Variants in DNAJC6 observed in about 807,000 individuals in gnomAD.
The protein encoded by DNAJC6 is auxilin.
A neutral mutation model predicts 110.0 loss-of-function variants in DNAJC6; 34 were observed. The ratio of observed to expected loss-of-function variants is 0.31; its 90% CI spans 0.24 to 0.41. DNAJC6 has a LOEUF of 0.41. Among genes scored for constraint, DNAJC6 ranks in the 10% least tolerant of loss-of-function variants. DNAJC6 has a pLI of 1.00. For synonymous variants in DNAJC6, 406 were observed against 437.2 expected (o/e 0.93, Z 0.89); for missense variants, 1,031 against 1,207.8 (o/e 0.85, Z 2.17).
chr1:65,399,170 T>G (rs534217928), intron 14 of DNAJC6, among the ~76,000 whole-genome samples: 1 of 152,214 alleles, frequency 6.6e-6, no homozygotes, highest in East Asian at 1.9e-4. Context: ...TTAGAAACTC[T>G]TGGGTTTTTT....
chr1:65,364,717 T>C lies in DNAJC6; in HGVS notation c.276T>C (p.Ser92=), dbSNP rs1645629742. ...AAGGAGGTGCAGGGAGGCTCTTTAGTAACCTAAAGGACAACTTGAAAGACA... is the reference window on the plus strand; with the variant it reads ...AAGGAGGTGCAGGGAGGCTCTTTAGCAACCTAAAGGACAACTTGAAAGACA... ...MVKGGAGRLF[S]NLKDNLKDTL... is the part of the protein sequence containing the mutation. The change falls in exon 2 of 19, where the codon AGT becomes AGC. Residue 92 remains serine, a synonymous_variant. Transcript: ENST00000371069. 4 of 1,613,148 alleles carry C rather than the reference T, an allele frequency of 2.5e-6. No homozygotes were observed. The East Asian group carries it at 8.9e-5, about 36-fold the overall frequency.
At chr1:65,336,811 C>T (rs1645341501) in intron 1 of DNAJC6, among the ~76,000 whole-genome samples, 1 of 152,162 alleles carries the variant, frequency 6.6e-6, no homozygotes, top group Admixed American at 6.5e-5. Context: ...CTCATCTCAT[C>T]CAGAATCTTA....
At chr1:65,332,308 C>T (rs1452335074) in intron 1 of DNAJC6, among the ~76,000 whole-genome samples, 1 of 152,078 alleles carries the variant, frequency 6.6e-6, no homozygotes, top group Non-Finnish European at 1.5e-5. Flanking sequence ...TTAAGAATAA[C>T]AAACGTTTGG....
chr1:65,310,366 G>T (rs915365683), intron 1 of DNAJC6, among the ~76,000 whole-genome samples: 1 of 152,316 alleles, frequency 6.6e-6, no homozygotes, highest in East Asian at 1.9e-4. Flanking sequence ...TGTTTTTGCA[G>T]CATGCAGACG....
intron 1 of DNAJC6, among the ~76,000 whole-genome samples, chr1:65,294,195 T>C (rs1333675682): frequency 6.6e-6 from 1 of 152,220 alleles, no homozygotes; most frequent in Non-Finnish European, 1.5e-5. Flanking sequence ...ATACAGAAGA[T>C]AAATCCTTGT....
intron 1 of DNAJC6, among the ~76,000 whole-genome samples, chr1:65,311,539 G>A (rs1645102103): frequency 6.6e-6 from 1 of 151,936 alleles, no homozygotes; most frequent in African/African-American, 2.4e-5. Context: ...CTTTTTTATT[G>A]ATGTTGTATG....
At chr1:65,410,525 A>G (rs1305981151) in intron 17 of DNAJC6, among the ~76,000 whole-genome samples, 1 of 152,176 alleles carries the variant, frequency 6.6e-6, no homozygotes, top group Admixed American at 6.5e-5. Flanking sequence ...CAGGGTATGT[A>G]ATTGTTTGGG....
At chr1:65,278,132 T>C (rs1264923838) in intron 1 of DNAJC6, among the ~76,000 whole-genome samples, 2 of 152,174 alleles carry the variant, frequency 1.3e-5, no homozygotes, top group Admixed American at 6.5e-5. Context: ...TCAGCCTCTT[T>C]CCCAGGTTGC....
intron 1 of DNAJC6, among the ~76,000 whole-genome samples, chr1:65,286,112 C>T (rs760594727): frequency 8.5e-5 from 13 of 152,204 alleles, no homozygotes; most frequent in Non-Finnish European, 1.8e-4. Flanking sequence ...GGTCAATGAA[C>T]ATGTGCTGAA....
At chr1:65,335,996 G>A (rs1024150381) in intron 1 of DNAJC6, among the ~76,000 whole-genome samples, 1 of 152,048 alleles carries the variant, frequency 6.6e-6, no homozygotes, top group African/African-American at 2.4e-5. Flanking sequence ...AGTGAGAAAA[G>A]GTTGATTATA....
Position 65,408,700 on chromosome 1 carries a change from C to A in DNAJC6, c.2551C>A (p.His851Asn), listed in dbSNP as rs1397362683. Residue 851 changes from histidine (H) to asparagine (N), a missense_variant, in exon 17 of 19, where the codon CAC becomes AAC. Physicochemically the swap from His to Asn is moderately conservative, Grantham distance 68. Transcript: ENST00000371069. ...DLLSGQGFNA[H>N]KDKKGPRTIA... Reference sequence around the variant, plus strand: ...ACTCTCTGGTCAAGGTTTCAATGCTCACAAAGACAAAAAGGGGCCTCGGAC... The same window carrying A: ...ACTCTCTGGTCAAGGTTTCAATGCTAACAAAGACAAAAAGGGGCCTCGGAC... 1 of 1,613,908 alleles carries A rather than the reference C, an allele frequency of 6.2e-7. No individual in the cohort carries two copies. Among genetic ancestry groups the A allele is most frequent in the Non-Finnish European group, 8.5e-7 (1 of 1,179,892 alleles).
chr1:65,411,144 A>G (rs1646125133), intron 17 of DNAJC6, 106 bp from the exon 18 acceptor site: 2 of 1,153,346 alleles, frequency 1.7e-6, no homozygotes, highest in Admixed American at 2.5e-5. Context: ...GGTTGCCCTA[A>G]GTGTTTTGAT....
upstream of DNAJC6, chr1:65,309,512 T>A (rs1215769389): frequency 6.4e-6 from 6 of 943,452 alleles, no homozygotes; most frequent in African/African-American, 1.9e-5. Flanking sequence ...CGGCCGCGTC[T>A]CCTTCCCTCC....
chr1:65,287,478 T>C (rs2101211864), intron 1 of DNAJC6, among the ~76,000 whole-genome samples: 1 of 152,208 alleles, frequency 6.6e-6, no homozygotes, highest in East Asian at 1.9e-4. Context: ...ACAATGTATT[T>C]CCTTTCATTT....
At chr1:65,358,582 C>T (rs937372855) in intron 1 of DNAJC6, among the ~76,000 whole-genome samples, 10 of 152,130 alleles carry the variant, frequency 6.6e-5, no homozygotes, top group Non-Finnish European at 1.3e-4. Flanking sequence ...TTTATTATAT[C>T]CTCTGAATTG....
chr1:65,359,823 C>G (rs1027931934), intron 1 of DNAJC6, among the ~76,000 whole-genome samples: 3 of 152,152 alleles, frequency 2.0e-5, no homozygotes, highest in African/African-American at 4.8e-5. Context: ...TGAAAGCAAC[C>G]ATAGGCAAGA....
At chr1:65,411,074 C>A (rs1225914843) in intron 17 of DNAJC6, among the ~76,000 whole-genome samples, 176 bp from the exon 18 acceptor site, 1 of 152,034 alleles carries the variant, frequency 6.6e-6, no homozygotes, top group African/African-American at 2.4e-5. Context: ...ACCAGGGAGA[C>A]AAGGTAGGAG....
intron 17 of DNAJC6, among the ~76,000 whole-genome samples, chr1:65,410,977 G>A (rs1646123055): frequency 6.6e-6 from 1 of 152,276 alleles, no homozygotes; most frequent in South Asian, 2.1e-4. Context: ...TAACTCTGGG[G>A]GTGGGGATGG....
chr1:65,342,120 G>A (rs1393973375), intron 1 of DNAJC6, among the ~76,000 whole-genome samples: 4 of 152,190 alleles, frequency 2.6e-5, no homozygotes, highest in African/African-American at 9.6e-5. Flanking sequence ...TATGTTTTAA[G>A]CTTTTAACAA....
Sources: gnomAD v4.1 joint callset for allele counts (sites outside exome capture counted in the v4.1 genomes callset) on GRCh38, gnomAD v4.1.1 for gene constraint, MANE v1.5 for transcripts, NCBI Gene and HGNC (gene_info 2026-07-23, HGNC 2026-07-21) for gene names.